VRK2: variants seen among roughly 807,000 people sequenced by gnomAD.
VRK2 encodes VRK serine/threonine kinase 2.
In VRK2, 60 loss-of-function variants were observed where a neutral mutation model predicts 57.6. The ratio of observed to expected loss-of-function variants is 1.04; its 90% CI spans 0.85 to 1.29. The LOEUF (loss-of-function observed/expected upper bound fraction) is 1.29, where lower values mean the gene tolerates loss of function less well. VRK2 is among the 50% of genes most tolerant of loss of function. The pLI is 0.00. For missense variants in VRK2, 705 were observed against 588.1 expected, an observed-to-expected ratio of 1.20 and a Z score of -2.06; for synonymous variants, 231 against 199.2, an observed-to-expected ratio of 1.16 and a Z score of -1.35.
chr2:57,972,170 TG>T (rs753569161), intron 1 of VRK2, among the ~76,000 whole-genome samples: 10 of 151,868 alleles, frequency 6.6e-5, no homozygotes, highest in Non-Finnish European at 1.0e-4. Context: ...ATGGCAATTG[TG>T]GGTGTTCATT....
intron 1 of VRK2, among the ~76,000 whole-genome samples, chr2:57,958,502 T>C (rs977818531): frequency 7.9e-5 from 12 of 151,792 alleles, no homozygotes; most frequent in Non-Finnish European, 1.3e-4. Flanking sequence ...ATGTGTCATA[T>C]GCTATATATC....
intron 1 of VRK2, among the ~76,000 whole-genome samples, chr2:57,971,814 C>G (rs1172055834): frequency 6.6e-6 from 1 of 151,774 alleles, no homozygotes; most frequent in Non-Finnish European, 1.5e-5. Context: ...ACAGGAAAGT[C>G]TGCTTTACAT....
intron 1 of VRK2, among the ~76,000 whole-genome samples, chr2:57,959,009 C>T (rs1046928125): frequency 9.2e-5 from 14 of 152,296 alleles, no homozygotes; most frequent in South Asian, 8.3e-4. Context: ...TAGCATATTA[C>T]TATCTAGGAA....
intron 5 of VRK2, among the ~76,000 whole-genome samples, chr2:58,087,561 G>C (rs920759681): frequency 6.6e-6 from 1 of 152,148 alleles, no homozygotes; most frequent in Admixed American, 6.5e-5. Context: ...GGCTGATGTG[G>C]ATATATAAAT....
chr2:58,034,301 T>A (rs1384371610), intron 3 of VRK2, among the ~76,000 whole-genome samples: 1 of 151,994 alleles, frequency 6.6e-6, no homozygotes, highest in Non-Finnish European at 1.5e-5. Context: ...AGCAAATTTC[T>A]TCCCACCTCA....
intron 1 of VRK2, among the ~76,000 whole-genome samples, chr2:57,960,322 T>C (rs1671719569): frequency 6.6e-6 from 1 of 152,126 alleles, no homozygotes; most frequent in Non-Finnish European, 1.5e-5. Context: ...AACCCTCACC[T>C]CCAGTGTTGC....
At chr2:57,971,581 T>C (rs147938344) in intron 1 of VRK2, among the ~76,000 whole-genome samples, 349 of 151,980 alleles carry the variant, frequency 2.3e-3, no homozygotes, top group African/African-American at 7.9e-3. Context: ...TATTTATGTA[T>C]TTATTTATTT....
chr2:57,928,240 T>G lies in VRK2; in HGVS notation c.-439+20401T>G, dbSNP rs141776427. Reference sequence around the variant, plus strand: ...CATTTTTTAAAATTATTTTTTCTTTTGTCTTCTGACTGTGAATTTTCAGAT... The same window carrying G: ...CATTTTTTAAAATTATTTTTTCTTTGGTCTTCTGACTGTGAATTTTCAGAT... On this transcript the variant is annotated intron_variant, in intron 1 of 15. Transcript: ENST00000417641. Among the ~76,000 whole-genome samples, 1,008 of 152,226 alleles carry G rather than the reference T, an allele frequency of 6.6e-3. 6 individuals are homozygous for G. The highest frequency in any genetic ancestry group is 6.4e-3 in the Non-Finnish European group (432 of 68,016).
At chr2:57,976,039 A>G (rs1004690034) in intron 1 of VRK2, among the ~76,000 whole-genome samples, 1 of 152,014 alleles carries the variant, frequency 6.6e-6, no homozygotes, top group African/African-American at 2.4e-5. Context: ...TTTCTGTGAT[A>G]AGTCACTTAG....
chr2:58,083,077 C>T (rs950307710), intron 2 of VRK2, among the ~76,000 whole-genome samples: 1 of 151,592 alleles, frequency 6.6e-6, no homozygotes, highest in African/African-American at 2.4e-5. Flanking sequence ...TATATTGTAT[C>T]TCAAGAATTT....
Position 58,159,869 on chromosome 2 carries a change from A to T in VRK2, c.*176A>T. The T allele has an allele frequency of 6.3e-7, 1 of 1,598,550 alleles. No homozygotes were observed. Among genetic ancestry groups the T allele is most frequent in the Non-Finnish European group, 8.5e-7 (1 of 1,173,300 alleles). ...AAAAAATAAAATTGCTTTGTACTAG[A>T]AATAGTGTCATAGAATAGTGTCATA... On this transcript the variant is annotated 3_prime_UTR_variant, in exon 13 of 13. Coordinates refer to ENST00000340157, the MANE Select transcript of VRK2 (RefSeq NM_006296.7).
intron 2 of VRK2, among the ~76,000 whole-genome samples, chr2:58,081,116 G>T (rs1196571383): frequency 6.6e-6 from 1 of 151,928 alleles, no homozygotes; most frequent in East Asian, 1.9e-4. Context: ...ATGGCCTGCT[G>T]CTCTGTTTTG....
At chr2:58,060,083 A>G (rs1485485646) in intron 2 of VRK2, among the ~76,000 whole-genome samples, 1 of 151,824 alleles carries the variant, frequency 6.6e-6, no homozygotes, top group Admixed American at 6.6e-5. Context: ...TATCTTACAC[A>G]GTGTAAGGAG....
At chr2:58,080,031 T>C (rs1406494886) in intron 2 of VRK2, among the ~76,000 whole-genome samples, 1 of 152,016 alleles carries the variant, frequency 6.6e-6, no homozygotes, top group African/African-American at 2.4e-5. Context: ...TCACCAAATA[T>C]TTAATACATG....
intron 9 of VRK2, among the ~76,000 whole-genome samples, chr2:58,134,259 A>G (rs942646159): frequency 1.2e-4 from 18 of 152,156 alleles, no homozygotes; most frequent in African/African-American, 4.3e-4. Context: ...TTCTCCCTTT[A>G]AGACCCTCAT....
At chr2:58,116,916 G>A (rs897719442) in intron 7 of VRK2, among the ~76,000 whole-genome samples, 3 of 152,182 alleles carry the variant, frequency 2.0e-5, no homozygotes, top group African/African-American at 4.8e-5. Flanking sequence ...ACGCCTGGCT[G>A]CTGCGGTTCA....
chr2:58,155,791 C>T (rs1201301119), intron 12 of VRK2, among the ~76,000 whole-genome samples: 2 of 148,230 alleles, frequency 1.3e-5, no homozygotes, highest in East Asian at 4.1e-4. Context: ...TTCCACAGCA[C>T]CTGGAGAGAA....
intron 1 of VRK2, among the ~76,000 whole-genome samples, chr2:57,919,134 G>A (rs909173008): frequency 2.6e-5 from 4 of 151,936 alleles, no homozygotes; most frequent in Admixed American, 2.0e-4. Flanking sequence ...TGAATGCATG[G>A]AATCATTGGA....
intron 1 of VRK2, among the ~76,000 whole-genome samples, chr2:57,938,096 C>T (rs1234903171): frequency 1.3e-5 from 2 of 152,138 alleles, no homozygotes; most frequent in African/African-American, 4.8e-5. Context: ...TCCCAAAGTG[C>T]TGGGATTAAT....
Sources: gnomAD v4.1 joint callset for allele counts (sites outside exome capture counted in the v4.1 genomes callset) on GRCh38, gnomAD v4.1.1 for gene constraint, MANE v1.5 for transcripts, NCBI Gene and HGNC (gene_info 2026-07-23, HGNC 2026-07-21) for gene names.